Variants in GPAM observed in about 807,000 individuals in gnomAD.
The protein encoded by GPAM is glycerol-3-phosphate acyltransferase, mitochondrial.
In GPAM, 56 loss-of-function variants were observed where a neutral mutation model predicts 105.0. The observed-to-expected ratio is 0.53, with a 90% confidence interval of 0.43 to 0.67. GPAM has a LOEUF of 0.67. Among genes scored for constraint, GPAM ranks in the 30% least tolerant of loss-of-function variants. The pLI is 0.00. For missense variants in GPAM, 855 were observed against 989.8 expected (o/e 0.86, Z 1.83); for synonymous variants, 368 against 354.4 (o/e 1.04, Z -0.43).
At chr10:112,207,561 A>C (rs756513316) in intron 1 of GPAM, among the ~76,000 whole-genome samples, 1 of 152,226 alleles carries the variant, frequency 6.6e-6, no homozygotes. Flanking sequence ...AAGCCAAATG[A>C]ATTTATTTTA....
chr10:112,190,398 G>A (rs1474141349), intron 1 of GPAM, among the ~76,000 whole-genome samples: 3 of 151,866 alleles, frequency 2.0e-5, no homozygotes, highest in Admixed American at 6.5e-5. Context: ...CCAGCTGCTC[G>A]GGAGGCTGAG....
chr10:112,150,350 T>C lies in GPAM; in HGVS notation c.*3200A>G. Reference sequence around the variant, plus strand: ...TTATTTACCCCAATTCATCCATGTATTCTGATACGTTCAGTGAAAAAGCCA... The same window carrying C: ...TTATTTACCCCAATTCATCCATGTACTCTGATACGTTCAGTGAAAAAGCCA... On this transcript the variant is annotated 3_prime_UTR_variant, in exon 22 of 22. Transcript: ENST00000348367. 3 of 985,132 alleles carry C rather than the reference T, an allele frequency of 3.0e-6. No individual in the cohort carries two copies. Among genetic ancestry groups the C allele is most frequent in the Non-Finnish European group, 2.4e-6 (2 of 829,246 alleles). 61.0% of individuals were successfully genotyped at this position (985,132 alleles called of 1,614,324 possible). A position where few individuals can be genotyped will look rare whatever the true frequency, so the allele number is the denominator to read the frequency against.
chr10:112,167,680 G>T (rs970661050), intron 11 of GPAM, among the ~76,000 whole-genome samples: 2 of 152,192 alleles, frequency 1.3e-5, no homozygotes, highest in African/African-American at 4.8e-5. Context: ...TGTAAGAAAT[G>T]AAATTAATCA....
chr10:112,212,024 G>T (rs1663671315), intron 1 of GPAM, among the ~76,000 whole-genome samples: 1 of 152,174 alleles, frequency 6.6e-6, no homozygotes, highest in Non-Finnish European at 1.5e-5. Context: ...GAGACTAAGG[G>T]CGGCCCAAAG....
chr10:112,190,985 A>C (rs764907061), intron 1 of GPAM, among the ~76,000 whole-genome samples: 2 of 152,156 alleles, frequency 1.3e-5, no homozygotes, highest in African/African-American at 2.4e-5. Flanking sequence ...CTTAAAGAAG[A>C]CTGAACTGTG....
intron 5 of GPAM, among the ~76,000 whole-genome samples, 191 bp from the exon 6 acceptor site, chr10:112,175,904 C>A (rs1172264858): frequency 1.3e-5 from 2 of 152,172 alleles, no homozygotes; most frequent in Non-Finnish European, 1.5e-5. Flanking sequence ...GTACTCTCAG[C>A]TAAAACTGAA....
chr10:112,173,563 G>T, intron 7 of GPAM, 136 bp downstream of exon 7: 3 of 908,678 alleles, frequency 3.3e-6, no homozygotes, highest in Non-Finnish European at 3.6e-6. Context: ...TATAAGAAGA[G>T]TTTAATTTAA....
At position 112,207,059 on chromosome 10, in the gene GPAM, A is replaced by T. The variant is rs1021021879; in HGVS notation, n.210+8109T>A. Among the ~76,000 whole-genome samples the T allele has an allele frequency of 2.6e-5, 4 of 152,292 alleles. No homozygotes were observed. In the East Asian group the frequency reaches 5.8e-4, roughly 22 times the overall value. On this transcript the variant is annotated intron_variant and non_coding_transcript_variant, in intron 1 of 3. Coordinates refer to the GPAM transcript ENST00000480130. ...TAACAACTCTTAATGTGGTTTCTCA[A>T]ACTCAGGTAGAAATCATCTGATCCA... is the stretch of plus-strand genomic sequence containing the variant.
At chr10:112,155,841 G>T in intron 20 of GPAM, 23 bp downstream of exon 20, 203 of 1,237,124 alleles carry the variant, frequency 1.6e-4, no homozygotes, top group Middle Eastern at 5.3e-4. Flanking sequence ...GATTTTAAAA[G>T]AATAAATAGT....
rs541335627 is a variant in GPAM at position 112,210,508 on chromosome 10, G to A, written n.210+4660C>T. On this transcript the variant is annotated intron_variant and non_coding_transcript_variant, in intron 1 of 3. Coordinates refer to the GPAM transcript ENST00000480130. ...TAAGCCCCATGACCAGCAAACAATG[G>A]GGGATATTGGATAACAGACAGCTGA... Among the ~76,000 whole-genome samples, 262 of 152,286 alleles carry A rather than the reference G, an allele frequency of 1.7e-3. 2 individuals are homozygous for A. The highest frequency in any genetic ancestry group is 2.9e-3 in the Non-Finnish European group (200 of 68,030).
intron 12 of GPAM, among the ~76,000 whole-genome samples, chr10:112,165,119 A>G (rs1385748742): frequency 6.6e-6 from 1 of 152,250 alleles, no homozygotes; most frequent in African/African-American, 2.4e-5. Flanking sequence ...GTTAGCAAGC[A>G]TCTACCACAG....
intron 1 of GPAM, among the ~76,000 whole-genome samples, chr10:112,208,210 C>T (rs975666690): frequency 5.3e-5 from 8 of 152,212 alleles, no homozygotes; most frequent in African/African-American, 1.4e-4. Context: ...CATAAATCAA[C>T]GTACTGGCAT....
At chr10:112,189,686 G>A (rs547003577) in intron 1 of GPAM, among the ~76,000 whole-genome samples, 2 of 152,306 alleles carry the variant, frequency 1.3e-5, no homozygotes, top group African/African-American at 4.8e-5. Context: ...TGTGAACTGA[G>A]AGCAAGGCAA....
chr10:112,165,077 T>C (rs896979469), intron 12 of GPAM, among the ~76,000 whole-genome samples: 1 of 152,104 alleles, frequency 6.6e-6, no homozygotes, highest in African/African-American at 2.4e-5. Flanking sequence ...TGGCAAGAAA[T>C]GATAAGGTTC....
At chr10:112,196,030 G>C (rs1198134716) in intron 1 of GPAM, among the ~76,000 whole-genome samples, 1 of 152,182 alleles carries the variant, frequency 6.6e-6, no homozygotes, top group African/African-American at 2.4e-5. Flanking sequence ...CTGATCTCCA[G>C]TGTAGGGGGT....
At chr10:112,219,618 T>C (rs545374842), upstream of GPAM, among the ~76,000 whole-genome samples, 2 of 152,254 alleles carry the variant, frequency 1.3e-5, no homozygotes. Context: ...AAATTCATTT[T>C]CTTTCTGTCT....
intron 1 of GPAM, among the ~76,000 whole-genome samples, chr10:112,200,287 A>C (rs1847782669): frequency 6.8e-6 from 1 of 147,834 alleles, no homozygotes; most frequent in African/African-American, 2.5e-5. Flanking sequence ...TCCTTCAACA[A>C]CTATACTGTT....
chr10:112,173,074 A>G lies in GPAM; in HGVS notation c.561-8T>C, dbSNP rs770459207. 1 of 1,522,798 alleles carries G rather than the reference A, an allele frequency of 6.6e-7. No homozygotes were observed. Among genetic ancestry groups the G allele is most frequent in the East Asian group, 2.3e-5 (1 of 44,404 alleles). The allele number at this position is 1,522,798 out of a possible 1,614,324, so 94.3% of individuals were successfully genotyped here. On this transcript the variant is annotated splice_region_variant and splice_polypyrimidine_tract_variant and intron_variant, in intron 7 of 21. Coordinates refer to ENST00000348367, the MANE Select transcript of GPAM (RefSeq NM_001244949.2). ...AGCACCCACCCAGTCAGTCTGAAAC[A>G]AAGTACAAACAAAAAAAACAACATA... is the stretch of plus-strand genomic sequence containing the variant.
chr10:112,195,864 G>A (rs1564688518), intron 1 of GPAM, among the ~76,000 whole-genome samples: 1 of 152,334 alleles, frequency 6.6e-6, no homozygotes, highest in East Asian at 1.9e-4. Flanking sequence ...TTCAAGGAGC[G>A]ATGTGGGAAC....
Sources: allele counts gnomAD v4.1 joint callset (sites outside exome capture counted in the v4.1 genomes callset), GRCh38; gene constraint gnomAD v4.1.1; transcripts MANE v1.5; gene names NCBI Gene and HGNC (gene_info 2026-07-23, HGNC 2026-07-21).